SYNGR4: variants seen among roughly 807,000 people sequenced by gnomAD.
SYNGR4 encodes the protein synaptogyrin-4.
A neutral mutation model predicts 15.5 loss-of-function variants in SYNGR4; 15 were observed. That is an observed-to-expected ratio of 0.97 (90% CI 0.65 to 1.49). SYNGR4 has a LOEUF of 1.49. Among genes scored for constraint, SYNGR4 ranks in the 40% most tolerant of loss-of-function variants. SYNGR4 has a pLI of 0.00. For missense variants in SYNGR4, 292 were observed against 299.3 expected (o/e 0.98, Z 0.18); for synonymous variants, 121 against 127.4 (o/e 0.95, Z 0.34).
At chr19:48,370,228 G>A (rs907632996) in intron 2 of SYNGR4, among the ~76,000 whole-genome samples, 1 of 152,210 alleles carries the variant, frequency 6.6e-6, no homozygotes, top group Admixed American at 6.5e-5. Flanking sequence ...GCTCACGCCT[G>A]TAATCCCAAC....
chr19:48,373,244 T>G, intron 2 of SYNGR4: 2 of 460,954 alleles, frequency 4.3e-6, no homozygotes, highest in Non-Finnish European at 8.0e-6. Context: ...GGGGCCATGG[T>G]GGAGATGTGC....
chr19:48,370,908 G>A (rs911553802), intron 2 of SYNGR4, among the ~76,000 whole-genome samples: 2 of 152,154 alleles, frequency 1.3e-5, no homozygotes, highest in African/African-American at 4.8e-5. Context: ...TCTCAGGTAT[G>A]TTGGCCTCTT....
rs1970351777 is a variant in SYNGR4, at chr19:48,373,719, A to G, written c.296A>G (p.Lys99Arg). ...QETRIAGTRF[K>R]TAFQLLDFIL... ...ACCCGCATTGCCGGCACCCGCTTCA[A>G]GACAGCCTTCCAGCTCCTGGACTTC... Residue 99 changes from lysine (K) to arginine (R), a missense_variant, in exon 3 of 5, where the codon AAG (lysine) becomes AGG (arginine). Lys to Arg is a conservative substitution (Grantham distance 26). Coordinates refer to ENST00000344846, the MANE Select transcript of SYNGR4 (RefSeq NM_012451.4). 1 of 1,613,892 alleles carries G rather than the reference A, an allele frequency of 6.2e-7. No individual in the cohort carries two copies. Among genetic ancestry groups the G allele is most frequent in the East Asian group, 2.2e-5 (1 of 44,884 alleles).
intron 2 of SYNGR4, among the ~76,000 whole-genome samples, chr19:48,367,468 T>A (rs571007965): frequency 1.6e-4 from 24 of 152,142 alleles, no homozygotes; most frequent in African/African-American, 5.8e-4. Context: ...ATGGGACATT[T>A]TCATCATGCC....
chr19:48,367,956 C>G (rs769327907), intron 2 of SYNGR4, among the ~76,000 whole-genome samples: 2 of 152,144 alleles, frequency 1.3e-5, no homozygotes, highest in Non-Finnish European at 2.9e-5. Flanking sequence ...GTGGAGTTCC[C>G]CGGCTCAGAC....
At chr19:48,371,345 C>G (rs898743703) in intron 2 of SYNGR4, among the ~76,000 whole-genome samples, 1 of 148,532 alleles carries the variant, frequency 6.7e-6, no homozygotes, top group African/African-American at 2.5e-5. Context: ...AGCCTCCTCC[C>G]CACCACCCCA....
Position 48,372,665 on chromosome 19 carries a change from C to G in SYNGR4, c.94-852C>G, listed in dbSNP as rs115444795. On this transcript the variant is annotated intron_variant, in intron 2 of 4. Coordinates refer to ENST00000344846, the MANE Select transcript of SYNGR4 (RefSeq NM_012451.4). The stretch of plus-strand genomic sequence containing the variant: ...CTCTGTCTCCAAAAAAAAAAACAGA[C>G]GAGAGGGACAGGGTTACCAGATCAG... Among the ~76,000 whole-genome samples the G allele has an allele frequency of 4.3e-3, 651 of 151,558 alleles. 3 individuals carry two copies. Among genetic ancestry groups the G allele is most frequent in the African/African-American group, 0.015 (620 of 41,350 alleles).
At chr19:48,365,988 T>A in intron 2 of SYNGR4, 53 bp downstream of exon 2, 1 of 1,576,306 alleles carries the variant, frequency 6.3e-7, no homozygotes, top group Non-Finnish European at 8.7e-7. Flanking sequence ...AGCCAGGAGC[T>A]CTCAACTCCC....
chr19:48,365,713 C>T (rs1461004818), intron 1 of SYNGR4, 23 bp from the exon 2 acceptor site: 58 of 827,694 alleles, frequency 7.0e-5, no homozygotes, highest in Non-Finnish European at 1.0e-4. Flanking sequence ...TGACTGGCAT[C>T]CCCCATCTGT....
chr19:48,375,394 C>T (rs185824222), intron 3 of SYNGR4, among the ~76,000 whole-genome samples: 48 of 152,226 alleles, frequency 3.2e-4, no homozygotes, highest in African/African-American at 1.1e-3. Context: ...TATTAGACAG[C>T]GCAACTCTAC....
chr19:48,365,659 C>T, intron 1 of SYNGR4, 77 bp from the exon 2 acceptor site: 4 of 271,228 alleles, frequency 1.5e-5, no homozygotes, highest in Non-Finnish European at 2.2e-5. Flanking sequence ...CACCCCATGT[C>T]CCCCAATCCT....
At chr19:48,368,864 A>C (rs1339783720) in intron 2 of SYNGR4, among the ~76,000 whole-genome samples, 2 of 152,220 alleles carry the variant, frequency 1.3e-5, no homozygotes, top group Non-Finnish European at 2.9e-5. Context: ...TGACACAGGC[A>C]TTATGATCCC....
In SYNGR4 at chr19:48,376,267, C is replaced by G. The variant is rs140154793; in HGVS notation, c.654C>G (p.Pro218=). 9.2e-5 allele frequency: 149 copies of G among 1,613,434 alleles called. No individual in the cohort carries two copies. The highest frequency in any genetic ancestry group is 1.2e-4 in the Non-Finnish European group (142 of 1,179,846). Residue 218 remains proline, a synonymous_variant, in exon 5 of 5, where the codon CCC becomes CCG. Coordinates refer to ENST00000344846, the MANE Select transcript of SYNGR4 (RefSeq NM_012451.4). ...GTTATGCTAGCTCTGCCCTGTCCCC[C>G]TGTCTGACCGCTCCAAAGTCCCCCC... ...SLSYASSALS[P]CLTAPKSPRL...
chr19:48,374,532 G>T (rs1970370804), intron 3 of SYNGR4, among the ~76,000 whole-genome samples: 1 of 152,178 alleles, frequency 6.6e-6, no homozygotes, highest in African/African-American at 2.4e-5. Context: ...TCCCTACTGG[G>T]CCAGTCCCAG....
At chr19:48,370,272 G>C (rs1428152990) in intron 2 of SYNGR4, among the ~76,000 whole-genome samples, 1 of 152,156 alleles carries the variant, frequency 6.6e-6, no homozygotes, top group Non-Finnish European at 1.5e-5. Context: ...GATTGCTTGA[G>C]GCCAGGAGTT....
intron 2 of SYNGR4, among the ~76,000 whole-genome samples, chr19:48,368,534 C>T (rs2147403320): frequency 6.6e-6 from 1 of 152,224 alleles, no homozygotes; most frequent in East Asian, 1.9e-4. Context: ...CGTGCACCAC[C>T]ATGCCTGGCT....
In SYNGR4 at chr19:48,365,743, G is replaced by C; in HGVS notation, c.-100G>C. ...ATCTGTGTCATCCCACAGCAGCCAA[G>C]CCCAGGGCTGGCCTGAAGCCCCCGG... On this transcript the variant is annotated 5_prime_UTR_variant, in exon 2 of 5. Transcript: ENST00000344846. 1.8e-6 allele frequency: 2 copies of C among 1,125,584 alleles called. No individual in the cohort carries two copies. The highest frequency in any genetic ancestry group is 2.5e-6 in the Non-Finnish European group (2 of 808,138). The allele number at this position is 1,125,584 out of a possible 1,614,324, so 69.7% of individuals were successfully genotyped here. A position where few individuals can be genotyped will look rare whatever the true frequency, so the allele number is the denominator to read the frequency against.
chr19:48,366,856 C>G (rs1970230774), intron 2 of SYNGR4, among the ~76,000 whole-genome samples: 1 of 152,068 alleles, frequency 6.6e-6, no homozygotes, highest in Non-Finnish European at 1.5e-5. Flanking sequence ...TGGGGACTCT[C>G]ATATTAGACA....
chr19:48,367,513 C>T (rs570276974), intron 2 of SYNGR4, among the ~76,000 whole-genome samples: 8 of 152,096 alleles, frequency 5.3e-5, no homozygotes, highest in African/African-American at 1.7e-4. Context: ...GCTAAGGTCA[C>T]GCAGTAACAG....
Sources: allele counts gnomAD v4.1 joint callset (sites outside exome capture counted in the v4.1 genomes callset), GRCh38; gene constraint gnomAD v4.1.1; transcripts MANE v1.5; gene names NCBI Gene and HGNC (gene_info 2026-07-23, HGNC 2026-07-21).